Variants in CAPN7 observed in about 807,000 individuals in gnomAD.
CAPN7 encodes the protein calpain-7.
In CAPN7, 72 loss-of-function variants were observed where a neutral mutation model predicts 115.2. That is an observed-to-expected ratio of 0.63 (90% CI 0.52 to 0.76). The LOEUF is 0.76. Ranked by LOEUF, CAPN7 falls within the 30% of genes least tolerant of loss-of-function variation. The probability of loss-of-function intolerance (pLI) is 0.00; values close to 1 mark genes in which losing one functional copy is unlikely to be tolerated. For synonymous variants in CAPN7, 344 were observed against 322.3 expected, an observed-to-expected ratio of 1.07 and a Z score of -0.72; for missense variants, 905 against 971.5, an observed-to-expected ratio of 0.93 and a Z score of 0.91.
chr3:15,217,847 C>A (rs1187579457), intron 3 of CAPN7, among the ~76,000 whole-genome samples: 1 of 152,182 alleles, frequency 6.6e-6, no homozygotes, highest in Non-Finnish European at 1.5e-5. Context: ...AATAAACTTA[C>A]AGAATTCATT....
chr3:15,217,035 C>G (rs1693653745), intron 2 of CAPN7, among the ~76,000 whole-genome samples: 2 of 146,672 alleles, frequency 1.4e-5, no homozygotes, highest in South Asian at 4.3e-4. Context: ...CCTGGGAGTT[C>G]AAGACCAGCC....
At chr3:15,241,684 T>G in intron 15 of CAPN7, 96 bp downstream of exon 15, 1 of 958,310 alleles carries the variant, frequency 1.0e-6, no homozygotes, top group Admixed American at 2.6e-5. Context: ...CTGTTTAATT[T>G]ACATAGGTGC....
At chr3:15,245,394 C>T (rs1695597952) in intron 16 of CAPN7, 132 bp from the exon 17 acceptor site, 1 of 758,856 alleles carries the variant, frequency 1.3e-6, no homozygotes, top group Admixed American at 2.7e-5. Context: ...TTATAATTCA[C>T]TAATATCATT....
chr3:15,241,268 G>A (rs1023838656), intron 14 of CAPN7, among the ~76,000 whole-genome samples, 185 bp from the exon 15 acceptor site: 1 of 152,028 alleles, frequency 6.6e-6, no homozygotes, highest in African/African-American at 2.4e-5. Context: ...TTTTTGTCAC[G>A]CCCACAGTGA....
chr3:15,232,745 G>C (rs1424248574), intron 10 of CAPN7, 80 bp downstream of exon 10: 2 of 1,260,688 alleles, frequency 1.6e-6, no homozygotes, highest in East Asian at 2.6e-5. Flanking sequence ...ATTCTAGATA[G>C]TCTTTTTGTT....
intron 1 of CAPN7, among the ~76,000 whole-genome samples, chr3:15,210,269 A>T (rs1000753477): frequency 4.6e-5 from 7 of 152,128 alleles, no homozygotes; most frequent in Non-Finnish European, 1.0e-4. Context: ...AAGTAAAAAA[A>T]ATAGCTTTTT....
At chr3:15,228,031 T>A in intron 7 of CAPN7, 66 bp downstream of exon 7, 1 of 1,263,238 alleles carries the variant, frequency 7.9e-7, no homozygotes, top group Non-Finnish European at 1.0e-6. Flanking sequence ...TGTATAGATT[T>A]GAGTTTTTTC....
In CAPN7 at chr3:15,233,874, A is replaced by G. The variant is rs1361510877; in HGVS notation, c.1187A>G (p.Asp396Gly). 6.3e-7 allele frequency: 1 copy of G among 1,579,596 alleles called. No homozygotes were observed. The highest frequency in any genetic ancestry group is 8.7e-7 in the Non-Finnish European group (1 of 1,150,242). The change falls in exon 11 of 21, where the codon GAT (aspartate) becomes GGT (glycine). Residue 396 changes from aspartate to glycine, a missense_variant. Asp to Gly is a moderately conservative substitution (Grantham distance 94). Coordinates refer to ENST00000253693, the MANE Select transcript of CAPN7 (RefSeq NM_014296.3). ...YDFPGSNSNI[D>G]LHALTGWIPE... Reference sequence around the variant, plus strand: ...AATGTGTTTCTGTTGCAGAATATTGATCTTCATGCACTGACTGGCTGGATA... The same window carrying G: ...AATGTGTTTCTGTTGCAGAATATTGGTCTTCATGCACTGACTGGCTGGATA...
intron 12 of CAPN7, among the ~76,000 whole-genome samples, chr3:15,238,050 ATTTTTAT>A (rs1323877580): frequency 8.4e-6 from 1 of 118,572 alleles, no homozygotes; most frequent in South Asian, 2.6e-4. Context: ...TAGGTGCATT[ATTTTTAT>A]TTTTTATTTT....
chr3:15,215,153 A>G (rs2124887044), intron 2 of CAPN7, among the ~76,000 whole-genome samples: 1 of 152,242 alleles, frequency 6.6e-6, no homozygotes, highest in South Asian at 2.1e-4. Context: ...AACTGGGCAC[A>G]GTGGTGAGTG....
intron 6 of CAPN7, among the ~76,000 whole-genome samples, chr3:15,226,073 T>A (rs1029455438): frequency 1.3e-5 from 2 of 150,976 alleles, no homozygotes; most frequent in Non-Finnish European, 2.9e-5. Context: ...TAATTGTAAG[T>A]TTTTTTATTT....
intron 12 of CAPN7, among the ~76,000 whole-genome samples, chr3:15,237,345 A>G (rs1382891368): frequency 1.3e-5 from 2 of 152,194 alleles, no homozygotes; most frequent in Non-Finnish European, 2.9e-5. Flanking sequence ...TTGGCAATAG[A>G]ACTTTTCCAG....
In CAPN7 at chr3:15,216,266, A is replaced by C. The variant is rs150056838; in HGVS notation, c.212-1159A>C. On this transcript the variant is annotated intron_variant, in intron 2 of 20. Coordinates refer to ENST00000253693, the MANE Select transcript of CAPN7 (RefSeq NM_014296.3). ...CATTTCACAGTTCCATCAGCAGTGT[A>C]TCTGGGTTCCAAGTCCTTCACATCC... Among the ~76,000 whole-genome samples, 1,103 of 152,308 alleles carry C rather than the reference A, an allele frequency of 7.2e-3. 12 individuals carry two copies. Among genetic ancestry groups the C allele is most frequent in the African/African-American group, 0.023 (971 of 41,548 alleles).
chr3:15,223,048 C>A (rs536484128), intron 5 of CAPN7, among the ~76,000 whole-genome samples: 1 of 152,334 alleles, frequency 6.6e-6, no homozygotes, highest in South Asian at 2.1e-4. Context: ...ATCTATGACA[C>A]TTCCTTCTTC....
At chr3:15,246,374 T>A (rs1289575663) in intron 17 of CAPN7, 1 of 195,404 alleles carries the variant, frequency 5.1e-6, no homozygotes, top group African/African-American at 2.3e-5. Flanking sequence ...GCTGGGAAGG[T>A]CATTGTAATT....
chr3:15,234,838 TAAAAA>T (rs202131050), intron 11 of CAPN7, among the ~76,000 whole-genome samples, 182 bp from the exon 12 acceptor site: 1 of 150,450 alleles, frequency 6.6e-6, no homozygotes, highest in Admixed American at 6.5e-5. Flanking sequence ...GCCAGAAACT[TAAAAA>T]AAGAGAAATG....
chr3:15,224,359 A>G (rs980157838), intron 6 of CAPN7, among the ~76,000 whole-genome samples: 1 of 150,328 alleles, frequency 6.7e-6, no homozygotes, highest in Non-Finnish European at 1.5e-5. Flanking sequence ...TGCAGCCTTG[A>G]CTTCTCAGGC....
At position 15,220,995 on chromosome 3, in the gene CAPN7, C is replaced by T; in HGVS notation, c.638+14C>T. 6.2e-7 allele frequency: 1 copy of T among 1,600,744 alleles called. No homozygotes were observed. Among genetic ancestry groups the T allele is most frequent in the African/African-American group, 1.3e-5 (1 of 74,688 alleles). The stretch of plus-strand genomic sequence containing the variant: ...AGAAGTACTCAGGTAAATAAGTTTA[C>T]AATTAATTGTAATGAAGAATTTTGT... On this transcript the variant is annotated intron_variant, in intron 5 of 20. Coordinates refer to ENST00000253693, the MANE Select transcript of CAPN7 (RefSeq NM_014296.3).
chr3:15,233,902 A>C lies in CAPN7; in HGVS notation c.1215A>C (p.Pro405=), dbSNP rs1183371243. 3.1e-6 allele frequency: 5 copies of C among 1,607,036 alleles called. No homozygotes were observed. In the South Asian group the frequency reaches 5.5e-5, roughly 18 times the overall value. ...IDLHALTGWI[P]ERIAMHSDSQ... Reference sequence around the variant, plus strand: ...TTCATGCACTGACTGGCTGGATACCAGAAAGAATTGCTATGCATTCAGATA... The same window carrying C: ...TTCATGCACTGACTGGCTGGATACCCGAAAGAATTGCTATGCATTCAGATA... Residue 405 remains proline (P), a synonymous_variant, in exon 11 of 21, where the codon CCA becomes CCC. Transcript: ENST00000253693.
Sources: allele counts gnomAD v4.1 joint callset (sites outside exome capture counted in the v4.1 genomes callset), GRCh38; gene constraint gnomAD v4.1.1; transcripts MANE v1.5; gene names NCBI Gene and HGNC (gene_info 2026-07-23, HGNC 2026-07-21).